SYT16: variants seen among roughly 807,000 people sequenced by gnomAD.
SYT16 encodes the protein synaptotagmin 16.
A neutral mutation model predicts 61.4 loss-of-function variants in SYT16; 42 were observed. The ratio of observed to expected loss-of-function variants is 0.68; its 90% CI spans 0.53 to 0.89. SYT16 has a LOEUF of 0.89. SYT16 is among the 40% of genes least tolerant of loss of function. SYT16 has a pLI of 0.00. For synonymous variants in SYT16, 314 were observed against 302.3 expected, an observed-to-expected ratio of 1.04 and a Z score of -0.40; for missense variants, 804 against 807.3, an observed-to-expected ratio of 1.00 and a Z score of 0.05.
chr14:62,073,111 C>A (rs1171150705), intron 4 of SYT16, among the ~76,000 whole-genome samples: 3 of 152,144 alleles, frequency 2.0e-5, no homozygotes, highest in South Asian at 2.1e-4. Flanking sequence ...TTCTCTAATT[C>A]ATTCCTTGCT....
chr14:61,990,584 C>T lies in SYT16; in HGVS notation c.-144-5292C>T, dbSNP rs185452175. On this transcript the variant is annotated intron_variant, in intron 2 of 7. Transcript: ENST00000683842. The stretch of plus-strand genomic sequence containing the variant: ...CTTTCAGAATGTGTCTGACTTTCTC[C>T]AGGAGTTAGTTGATAATCCTTTGAA... 1.7e-3 allele frequency among the ~76,000 whole-genome samples: 259 copies of T among 152,252 alleles called. 4 individuals are homozygous for T. The highest frequency in any genetic ancestry group is 3.5e-4 in the Non-Finnish European group (24 of 68,004).
chr14:62,030,909 A>C lies in SYT16; in HGVS notation c.523+34367A>C, dbSNP rs369171156. 9.9e-5 allele frequency among the ~76,000 whole-genome samples: 15 copies of C among 152,202 alleles called. No individual in the cohort carries two copies. The East Asian group carries it at 2.7e-3, about 27-fold the overall frequency. Reference sequence around the variant, plus strand: ...CATATCATTTGATTTCAGGTTGAATAATGTGCTCCCAGACTATGTGGGATT... The same window carrying C: ...CATATCATTTGATTTCAGGTTGAATCATGTGCTCCCAGACTATGTGGGATT... On this transcript the variant is annotated intron_variant, in intron 3 of 7. Coordinates refer to ENST00000683842, the MANE Select transcript of SYT16 (RefSeq NM_001367656.1).
chr14:61,936,863 G>A (rs902344023), intron 1 of SYT16, among the ~76,000 whole-genome samples: 1 of 152,128 alleles, frequency 6.6e-6, no homozygotes, highest in African/African-American at 2.4e-5. Flanking sequence ...AATTCAACCT[G>A]TTTTCAGGTT....
intron 3 of SYT16, among the ~76,000 whole-genome samples, chr14:62,033,963 G>A (rs2054405427): frequency 6.6e-6 from 1 of 152,060 alleles, no homozygotes; most frequent in African/African-American, 2.4e-5. Context: ...TTTATATCTA[G>A]TAAGGGACAT....
intron 1 of SYT16, among the ~76,000 whole-genome samples, chr14:61,946,356 C>T (rs949555998): frequency 1.3e-5 from 2 of 152,056 alleles, no homozygotes; most frequent in African/African-American, 2.4e-5. Flanking sequence ...CATGGATATG[C>T]GTGGAATATC....
intron 1 of SYT16, among the ~76,000 whole-genome samples, chr14:61,856,325 G>A (rs977493202): frequency 6.6e-6 from 1 of 152,222 alleles, no homozygotes; most frequent in Non-Finnish European, 1.5e-5. Context: ...AACAGATGAT[G>A]GCAGCAGGGG....
intron 1 of SYT16, among the ~76,000 whole-genome samples, chr14:61,937,345 G>A (rs1282595985): frequency 6.6e-6 from 1 of 152,198 alleles, no homozygotes; most frequent in South Asian, 2.1e-4. Flanking sequence ...AAAAGAAAAG[G>A]CGATCCTTTG....
chr14:61,921,526 T>C (rs1349197393), intron 1 of SYT16, among the ~76,000 whole-genome samples: 1 of 152,230 alleles, frequency 6.6e-6, no homozygotes, highest in African/African-American at 2.4e-5. Context: ...TTTAATTTCA[T>C]GTCTGCCCTA....
chr14:61,938,594 C>G (rs2050082859), intron 1 of SYT16, among the ~76,000 whole-genome samples: 1 of 151,936 alleles, frequency 6.6e-6, no homozygotes. Context: ...TGGGATAAAC[C>G]TGGAGTTGAC....
Position 61,906,501 on chromosome 14 carries a change from C to T in SYT16, c.-324-63631C>T, listed in dbSNP as rs144924648. On this transcript the variant is annotated intron_variant, in intron 1 of 7. Coordinates refer to ENST00000683842, the MANE Select transcript of SYT16 (RefSeq NM_001367656.1). ...GATTTAGCATTTCAGATTCTTTTCT[C>T]GCTCTTCGGCTTTTTTTAGTATAGT... Among the ~76,000 whole-genome samples, 486 of 152,250 alleles carry T rather than the reference C, an allele frequency of 3.2e-3. 2 individuals are homozygous for T. The highest frequency in any genetic ancestry group is 0.011 in the African/African-American group (455 of 41,548).
At chr14:61,877,216 C>T (rs549554403) in intron 1 of SYT16, among the ~76,000 whole-genome samples, 1 of 152,240 alleles carries the variant, frequency 6.6e-6, no homozygotes, top group African/African-American at 2.4e-5. Flanking sequence ...GAGTGCAGTA[C>T]TCCGCCTTTT....
At chr14:61,963,325 A>G (rs2051186594) in intron 1 of SYT16, among the ~76,000 whole-genome samples, 1 of 152,236 alleles carries the variant, frequency 6.6e-6, no homozygotes, top group Non-Finnish European at 1.5e-5. Context: ...CAAGTTGTGA[A>G]TGCAAAGGAA....
In SYT16 at chr14:62,100,980, T is replaced by C. The variant is rs996646545; in HGVS notation, c.*273T>C. ...TGAGTTAATTTGTGCCAATAGATCATTGAGTTTTAGTTCAGGGTATGGGGT... is the reference window on the plus strand; with the variant it reads ...TGAGTTAATTTGTGCCAATAGATCACTGAGTTTTAGTTCAGGGTATGGGGT... On this transcript the variant is annotated 3_prime_UTR_variant, in exon 8 of 8. Transcript: ENST00000683842. 2.6e-5 allele frequency: 9 copies of C among 343,822 alleles called. No homozygotes were observed. Among genetic ancestry groups the C allele is most frequent in the Admixed American group, 4.4e-5 (1 of 22,532 alleles). 21.3% of individuals were successfully genotyped at this position (343,822 alleles called of 1,614,324 possible).
chr14:62,031,723 C>T (rs2054315531), intron 3 of SYT16, among the ~76,000 whole-genome samples: 2 of 152,054 alleles, frequency 1.3e-5, no homozygotes, highest in South Asian at 4.2e-4. Flanking sequence ...AAGCTCAACT[C>T]CCTGGGTAAA....
intron 1 of SYT16, chr14:61,864,732 G>T: frequency 1.0e-6 from 1 of 993,718 alleles, no homozygotes; most frequent in Non-Finnish European, 1.5e-6. Context: ...CGGACAACGT[G>T]TCCACTCGCT....
intron 2 of SYT16, among the ~76,000 whole-genome samples, chr14:61,985,296 C>A (rs1294699342): frequency 1.3e-5 from 2 of 152,094 alleles, no homozygotes; most frequent in Admixed American, 6.6e-5. Flanking sequence ...CAGTTGTTAG[C>A]ACTGATTTAG....
intron 1 of SYT16, among the ~76,000 whole-genome samples, chr14:61,874,314 A>T (rs900479946): frequency 5.3e-5 from 8 of 152,174 alleles, no homozygotes; most frequent in Admixed American, 4.6e-4. Context: ...TCACATGTGG[A>T]TGTTTTCCTA....
At chr14:61,883,112 C>G (rs1386887878) in intron 1 of SYT16, among the ~76,000 whole-genome samples, 1 of 152,322 alleles carries the variant, frequency 6.6e-6, no homozygotes, top group East Asian at 1.9e-4. Context: ...ATTTTTCCCT[C>G]CTAGACTTCC....
At chr14:62,032,955 C>G (rs547121499) in intron 3 of SYT16, among the ~76,000 whole-genome samples, 1 of 151,608 alleles carries the variant, frequency 6.6e-6, no homozygotes, top group African/African-American at 2.4e-5. Context: ...AATATAGCAA[C>G]TGTTAAATGC....
Sources: allele counts gnomAD v4.1 joint callset (sites outside exome capture counted in the v4.1 genomes callset), GRCh38; gene constraint gnomAD v4.1.1; transcripts MANE v1.5; gene names NCBI Gene and HGNC (gene_info 2026-07-23, HGNC 2026-07-21).